The following PTPRD variants were observed in gnomAD, a reference collection of about 807,000 sequenced individuals.
PTPRD encodes the protein receptor-type tyrosine-protein phosphatase delta.
A neutral mutation model predicts 214.5 loss-of-function variants in PTPRD; 34 were observed. That is an observed-to-expected ratio of 0.16 (90% CI 0.12 to 0.21). The LOEUF is 0.21. PTPRD is among the 10% of genes least tolerant of loss of function. PTPRD has a pLI of 1.00. For synonymous variants in PTPRD, 1,128 were observed against 845.7 expected, an observed-to-expected ratio of 1.33 and a Z score of -5.79; for missense variants, 2,545 against 2,398.7, an observed-to-expected ratio of 1.06 and a Z score of -1.27.
At chr9:10,318,760 T>G (rs1397491382) in intron 3 of PTPRD, among the ~76,000 whole-genome samples, 2 of 152,042 alleles carry the variant, frequency 1.3e-5, no homozygotes, top group South Asian at 2.1e-4. Context: ...TAGGGGTGGT[T>G]GCCACCACAT....
At chr9:9,310,532 G>C (rs752723323) in intron 9 of PTPRD, among the ~76,000 whole-genome samples, 10 of 152,098 alleles carry the variant, frequency 6.6e-5, no homozygotes, top group Non-Finnish European at 1.3e-4. Flanking sequence ...CATGTCTTTA[G>C]CTGAAAAGGC....
At chr9:8,479,062 T>A (rs1481864719) in intron 30 of PTPRD, among the ~76,000 whole-genome samples, 2 of 152,336 alleles carry the variant, frequency 1.3e-5, no homozygotes, top group South Asian at 2.1e-4. Flanking sequence ...TCCTCACATT[T>A]TTTCTAATAG....
intron 2 of PTPRD, among the ~76,000 whole-genome samples, chr9:10,458,195 T>C (rs1446635554): frequency 3.3e-5 from 5 of 152,092 alleles, no homozygotes; most frequent in Non-Finnish European, 5.9e-5. Context: ...ATTTCACATT[T>C]TATGAAGCCA....
chr9:10,430,400 GT>G (rs2098666569), intron 2 of PTPRD, among the ~76,000 whole-genome samples: 1 of 151,802 alleles, frequency 6.6e-6, no homozygotes, highest in Non-Finnish European at 1.5e-5. Flanking sequence ...CTTTACGCGT[GT>G]GAGTATGCCT....
At chr9:9,963,955 A>C (rs1339930678) in intron 4 of PTPRD, among the ~76,000 whole-genome samples, 1 of 144,626 alleles carries the variant, frequency 6.9e-6, no homozygotes, top group East Asian at 2.1e-4. Flanking sequence ...TTCCATTTTT[A>C]TGAGCATTTC....
At chr9:9,951,049 T>C (rs893015023) in intron 4 of PTPRD, among the ~76,000 whole-genome samples, 1 of 152,154 alleles carries the variant, frequency 6.6e-6, no homozygotes, top group African/African-American at 2.4e-5. Flanking sequence ...GAGGTGATGA[T>C]AATCCATGGC....
At chr9:9,028,042 C>T (rs1239555438) in intron 10 of PTPRD, among the ~76,000 whole-genome samples, 3 of 151,820 alleles carry the variant, frequency 2.0e-5, no homozygotes, top group African/African-American at 7.3e-5. Context: ...TAAACATATA[C>T]CCCACCATTG....
chr9:9,611,526 G>A (rs993139020), intron 7 of PTPRD, among the ~76,000 whole-genome samples: 2 of 151,952 alleles, frequency 1.3e-5, no homozygotes, highest in African/African-American at 4.8e-5. Context: ...CATAGAATCT[G>A]ATGTATAAAA....
At chr9:8,603,839 T>C (rs765354474) in intron 14 of PTPRD, among the ~76,000 whole-genome samples, 6 of 152,306 alleles carry the variant, frequency 3.9e-5, no homozygotes, top group East Asian at 1.9e-4. Flanking sequence ...AATTTAGTTA[T>C]AGTGAAATCC....
At chr9:8,487,120 G>C (rs1385940675) in intron 27 of PTPRD, among the ~76,000 whole-genome samples, 1 of 152,086 alleles carries the variant, frequency 6.6e-6, no homozygotes, top group African/African-American at 2.4e-5. Flanking sequence ...TATATTAAGA[G>C]CTATTTTATA....
In PTPRD at chr9:9,998,115, TA is replaced by T. The variant is rs1158744931; in HGVS notation, c.-472+35602del. Among the ~76,000 whole-genome samples the T allele has an allele frequency of 2.4e-3, 251 of 105,794 alleles. 6 individuals are homozygous for T. Among genetic ancestry groups the T allele is most frequent in the East Asian group, 9.9e-3 (44 of 4,452 alleles). The allele number at this position is 105,794 out of a possible 152,430, so 69.4% of individuals were successfully genotyped here. On this transcript the variant is annotated intron_variant, in intron 4 of 45. Coordinates refer to ENST00000381196, the MANE Select transcript of PTPRD (RefSeq NM_002839.4). ...ATGTACCCTAGAACTTAAAGTATAA[TA>T]AAAAAAAAAAAAAATATATATATAT...
intron 4 of PTPRD, among the ~76,000 whole-genome samples, chr9:10,027,578 T>C (rs890135878): frequency 6.6e-6 from 1 of 152,220 alleles, no homozygotes; most frequent in Non-Finnish European, 1.5e-5. Context: ...GTTCAGTCAA[T>C]ATATGTGGAA....
intron 8 of PTPRD, among the ~76,000 whole-genome samples, chr9:9,443,848 C>T (rs2089316847): frequency 6.6e-6 from 1 of 152,186 alleles, no homozygotes; most frequent in African/African-American, 2.4e-5. Flanking sequence ...GCTAAGTTTA[C>T]AGTGTATTGT....
At chr9:9,452,548 A>C (rs937985760) in intron 8 of PTPRD, among the ~76,000 whole-genome samples, 4 of 151,228 alleles carry the variant, frequency 2.6e-5, no homozygotes, top group Non-Finnish European at 5.9e-5. Flanking sequence ...AAAACCACAG[A>C]AGTTGGCTTA....
chr9:10,496,614 T>C (rs1159689649), intron 2 of PTPRD, among the ~76,000 whole-genome samples: 1 of 77,032 alleles, frequency 1.3e-5, no homozygotes, highest in African/African-American at 3.0e-5. Context: ...CTCACCAACA[T>C]CTGTTCTTTT....
intron 3 of PTPRD, among the ~76,000 whole-genome samples, chr9:10,065,141 T>TAGAAAGAAAGA (rs2097851667): frequency 9.4e-6 from 1 of 106,732 alleles, no homozygotes; most frequent in East Asian, 2.8e-4. Context: ...TGACTTGGAT[T>TAGAAAGAAAGA]AGAAAGAAAG....
At chr9:8,327,301 A>G (rs1429725391) in intron 44 of PTPRD, among the ~76,000 whole-genome samples, 1 of 151,174 alleles carries the variant, frequency 6.6e-6, no homozygotes, top group South Asian at 2.1e-4. Context: ...GTAGTCATTC[A>G]GGAGCAGGTT....
At chr9:8,793,587 T>C (rs756664746) in intron 11 of PTPRD, among the ~76,000 whole-genome samples, 1 of 152,198 alleles carries the variant, frequency 6.6e-6, no homozygotes. Flanking sequence ...AATGTCTAAG[T>C]CTTCTCATTC....
chr9:8,745,338 C>T (rs371551240), intron 11 of PTPRD, among the ~76,000 whole-genome samples: 13 of 152,182 alleles, frequency 8.5e-5, no homozygotes, highest in African/African-American at 2.6e-4. Context: ...ATAGCTGAGG[C>T]GATGTCATGA....
Sources: allele counts gnomAD v4.1 joint callset (sites outside exome capture counted in the v4.1 genomes callset), GRCh38; gene constraint gnomAD v4.1.1; transcripts MANE v1.5; gene names NCBI Gene and HGNC (gene_info 2026-07-23, HGNC 2026-07-21).